PLPPR1: variants seen among roughly 807,000 people sequenced by gnomAD.
PLPPR1 encodes phospholipid phosphatase related 1.
In PLPPR1, 10 loss-of-function variants were observed where a neutral mutation model predicts 33.1. The ratio of observed to expected loss-of-function variants is 0.30; its 90% confidence interval spans 0.19 to 0.51. The LOEUF is 0.51. PLPPR1 is among the 20% of genes least tolerant of loss of function. PLPPR1 has a pLI of 0.97. For synonymous variants in PLPPR1, 151 were observed against 151.0 expected (o/e 1.00, Z 0.00); for missense variants, 304 against 408.1 (o/e 0.74, Z 2.20).
chr9:101,138,035 G>A (rs1256709486), intron 1 of PLPPR1, among the ~76,000 whole-genome samples: 2 of 152,192 alleles, frequency 1.3e-5, no homozygotes, highest in African/African-American at 2.4e-5. Context: ...CTGTGTGTGT[G>A]AATTATCATT....
intron 1 of PLPPR1, among the ~76,000 whole-genome samples, chr9:101,147,913 A>G (rs1253849022): frequency 6.6e-6 from 1 of 152,206 alleles, no homozygotes; most frequent in Non-Finnish European, 1.5e-5. Context: ...CTTATGGTCA[A>G]GTCCAAGGGG....
intron 1 of PLPPR1, among the ~76,000 whole-genome samples, chr9:101,156,560 A>G (rs1199456546): frequency 1.5e-5 from 2 of 137,930 alleles, no homozygotes; most frequent in East Asian, 4.1e-4. Context: ...TCCAAAAAAA[A>G]AAAAAAAAAA....
intron 1 of PLPPR1, among the ~76,000 whole-genome samples, chr9:101,078,964 C>A (rs932323908): frequency 7.2e-5 from 11 of 152,070 alleles, no homozygotes; most frequent in African/African-American, 2.7e-4. Flanking sequence ...AGGGTCTTAC[C>A]CTTTCATGTA....
chr9:101,232,992 C>G (rs892226819), intron 2 of PLPPR1, among the ~76,000 whole-genome samples: 1 of 151,990 alleles, frequency 6.6e-6, no homozygotes, highest in Non-Finnish European at 1.5e-5. Flanking sequence ...ATCCAATCAC[C>G]GAAACTTCCC....
At chr9:101,180,200 A>G (rs1027114898) in intron 1 of PLPPR1, among the ~76,000 whole-genome samples, 5 of 141,626 alleles carry the variant, frequency 3.5e-5, no homozygotes, top group Non-Finnish European at 1.6e-5. Flanking sequence ...ATACACATAC[A>G]CACACATATA....
intron 1 of PLPPR1, among the ~76,000 whole-genome samples, chr9:101,045,073 G>A (rs987054980): frequency 2.0e-5 from 3 of 152,146 alleles, no homozygotes; most frequent in Non-Finnish European, 4.4e-5. Flanking sequence ...GATCCAAAAG[G>A]AATCAGCTAT....
At chr9:101,254,178 A>T (rs536640359) in intron 2 of PLPPR1, among the ~76,000 whole-genome samples, 1 of 151,700 alleles carries the variant, frequency 6.6e-6, no homozygotes, top group South Asian at 2.1e-4. Flanking sequence ...TTATTATTAA[A>T]ATATAACATA....
chr9:101,192,680 T>C (rs1464162020), intron 2 of PLPPR1, among the ~76,000 whole-genome samples: 2 of 151,870 alleles, frequency 1.3e-5, no homozygotes, highest in Admixed American at 6.6e-5. Flanking sequence ...CACACACACA[T>C]ACACACATAC....
chr9:101,156,753 T>A (rs1408581863), intron 1 of PLPPR1, among the ~76,000 whole-genome samples: 1 of 152,002 alleles, frequency 6.6e-6, no homozygotes, highest in African/African-American at 2.4e-5. Context: ...AATGAATGAA[T>A]GGTATGTCAA....
At chr9:101,164,620 G>A (rs1387599741) in intron 1 of PLPPR1, among the ~76,000 whole-genome samples, 1 of 151,834 alleles carries the variant, frequency 6.6e-6, no homozygotes, top group African/African-American at 2.4e-5. Context: ...TACCTGCCTC[G>A]GCCTCCCAAA....
intron 1 of PLPPR1, among the ~76,000 whole-genome samples, chr9:101,099,448 T>C (rs757616508): frequency 6.6e-6 from 1 of 152,070 alleles, no homozygotes; most frequent in Non-Finnish European, 1.5e-5. Flanking sequence ...AAAAAAAGCA[T>C]GAAATGCAAA....
chr9:101,274,024 T>G (rs762149376), intron 3 of PLPPR1, among the ~76,000 whole-genome samples: 1 of 152,206 alleles, frequency 6.6e-6, no homozygotes, highest in African/African-American at 2.4e-5. Context: ...TCTCTTCCAT[T>G]AATTCATTTT....
chr9:101,312,563 T>C (rs1253095195), intron 5 of PLPPR1, among the ~76,000 whole-genome samples: 3 of 152,236 alleles, frequency 2.0e-5, no homozygotes, highest in Non-Finnish European at 4.4e-5. Context: ...ACATGTCCAC[T>C]AGATTACAAA....
chr9:101,156,691 C>T (rs575953055), intron 1 of PLPPR1, among the ~76,000 whole-genome samples: 38 of 106,894 alleles, frequency 3.6e-4, no homozygotes, highest in African/African-American at 1.4e-3. Context: ...CATAATAATT[C>T]TGTCTTATAG....
chr9:101,155,149 A>G (rs1831661997), intron 1 of PLPPR1, among the ~76,000 whole-genome samples: 1 of 152,194 alleles, frequency 6.6e-6, no homozygotes, highest in Non-Finnish European at 1.5e-5. Context: ...CTGTCAGGAA[A>G]CAGTCTATTT....
rs1828864119 is a variant in PLPPR1 at position 101,306,652 on chromosome 9, C to T, written c.386-2559C>T. 2.0e-5 allele frequency among the ~76,000 whole-genome samples: 3 copies of T among 152,200 alleles called. No individual in the cohort carries two copies. In the South Asian group the frequency reaches 6.2e-4, roughly 31 times the overall value. ...TTGGCTTCTCTGAAGTAAGAAACAA[C>T]ACAGATGGAGCAGAGCCTTAAGATA... On this transcript the variant is annotated intron_variant, in intron 4 of 7. Coordinates refer to ENST00000374874, the MANE Select transcript of PLPPR1 (RefSeq NM_207299.2).
intron 1 of PLPPR1, among the ~76,000 whole-genome samples, chr9:101,104,647 A>G (rs879600263): frequency 0.017 from 1,861 of 109,302 alleles, 27 homozygotes; most frequent in Middle Eastern, 0.031. Flanking sequence ...TGGTATCAGA[A>G]TGATGCTGGC....
At chr9:101,186,712 TTGGC>T (rs1478637854) in intron 2 of PLPPR1, among the ~76,000 whole-genome samples, 4 of 151,906 alleles carry the variant, frequency 2.6e-5, no homozygotes, top group Non-Finnish European at 2.9e-5. Flanking sequence ...ATATGGGTGT[TTGGC>T]TGATCATTGA....
At chr9:101,232,371 G>T (rs1164849167) in intron 2 of PLPPR1, among the ~76,000 whole-genome samples, 1 of 151,856 alleles carries the variant, frequency 6.6e-6, no homozygotes, top group East Asian at 1.9e-4. Context: ...GGACAACTGG[G>T]CAACTGGGCA....
Sources: gnomAD v4.1 joint callset for allele counts (sites outside exome capture counted in the v4.1 genomes callset) on GRCh38, gnomAD v4.1.1 for gene constraint, MANE v1.5 for transcripts, NCBI Gene and HGNC (gene_info 2026-07-23, HGNC 2026-07-21) for gene names.